The following LIMK2 variants were observed in gnomAD, a reference collection of about 807,000 sequenced individuals.
LIMK2 encodes LIM domain kinase 2.
LIMK2 carries 35 observed loss-of-function variants against 75.7 expected under a neutral mutation model. The observed-to-expected ratio is 0.46, with a 90% CI of 0.35 to 0.61. The LOEUF (loss-of-function observed/expected upper bound fraction) is 0.61. Ranked by LOEUF, LIMK2 falls within the 20% of genes least tolerant of loss-of-function variation. The probability of loss-of-function intolerance (pLI) is 0.00; values close to 1 mark genes in which losing one functional copy is unlikely to be tolerated. For missense variants in LIMK2, 623 were observed against 831.0 expected (o/e 0.75, Z 3.08); for synonymous variants, 301 against 319.2 (o/e 0.94, Z 0.61).
At chr22:31,273,339 T>C (rs936817291) in intron 13 of LIMK2, 113 bp from the exon 14 acceptor site, 1 of 947,170 alleles carries the variant, frequency 1.1e-6, no homozygotes, top group Non-Finnish European at 1.7e-6. Context: ...GGGGTGTCCC[T>C]ACAGAACCTG....
At chr22:31,246,183 G>GCACGCACACACACACACA (rs1555886279) in intron 2 of LIMK2, among the ~76,000 whole-genome samples, 4 of 134,994 alleles carry the variant, frequency 3.0e-5, no homozygotes, top group East Asian at 4.2e-4. Flanking sequence ...ACGCACGCAC[G>GCACGCACACACACACACA]CACACACACA....
At chr22:31,269,577 T>C (rs1157533617) in intron 11 of LIMK2, among the ~76,000 whole-genome samples, 1 of 151,876 alleles carries the variant, frequency 6.6e-6, no homozygotes, top group Non-Finnish European at 1.5e-5. Flanking sequence ...GAGACCAGCC[T>C]GGCCAACTGG....
At chr22:31,229,505 TA>T (rs1256647180) in intron 2 of LIMK2, among the ~76,000 whole-genome samples, 1 of 152,142 alleles carries the variant, frequency 6.6e-6, no homozygotes, top group Non-Finnish European at 1.5e-5. Context: ...CTGATGAATT[TA>T]GAGTACCTGA....
chr22:31,272,952 C>T (rs781321910), intron 13 of LIMK2: 17 of 1,258,346 alleles, frequency 1.4e-5, no homozygotes, highest in Non-Finnish European at 1.3e-5. Flanking sequence ...CCTCAGGGAT[C>T]GCTAAGAGCT....
chr22:31,218,469 C>G (rs1036224889), intron 1 of LIMK2, among the ~76,000 whole-genome samples: 1 of 152,190 alleles, frequency 6.6e-6, no homozygotes, highest in African/African-American at 2.4e-5. Flanking sequence ...CTTGATCCCT[C>G]CTTTTACAAA....
At chr22:31,274,655 C>G (rs964464066) in intron 14 of LIMK2, among the ~76,000 whole-genome samples, 3 of 152,208 alleles carry the variant, frequency 2.0e-5, no homozygotes, top group African/African-American at 7.2e-5. Flanking sequence ...CCCGCTTCAG[C>G]CTCCCAAAGT....
chr22:31,219,624 C>T (rs1474569543), intron 1 of LIMK2, among the ~76,000 whole-genome samples: 4 of 151,874 alleles, frequency 2.6e-5, no homozygotes, highest in Non-Finnish European at 4.4e-5. Flanking sequence ...CAAGCTGGAG[C>T]GCAGTGGCAC....
intron 2 of LIMK2, among the ~76,000 whole-genome samples, chr22:31,243,912 C>T (rs1448851533): frequency 6.6e-6 from 1 of 152,236 alleles, no homozygotes; most frequent in Non-Finnish European, 1.5e-5. Flanking sequence ...CAGCCAGCAG[C>T]TTATCACATC....
rs1024462531 is a variant in LIMK2, at chr22:31,225,737, T to C, written c.34T>C (p.Cys12Arg). Residue 12 changes from cysteine (C) to arginine (R), a missense_variant, in exon 2 of 16, where the codon TGT becomes CGT. Physicochemically the swap from Cys to Arg is radical, Grantham distance 180. Around this residue, in one of 3 missense-constraint regions of LIMK2, gnomAD observed 514 missense variants for 661.3 expected, o/e 0.78. Coordinates refer to ENST00000331728, the MANE Select transcript of LIMK2 (RefSeq NM_005569.4). ...SALAGEDVWR[C>R]PGCGDHIAPS... ...GTGTGCAGGTGAAGATGTCTGGAGG[T>C]GTCCAGGCTGTGGGGACCACATTGC... 6.2e-7 allele frequency: 1 copy of C among 1,613,950 alleles called. No individual in the cohort carries two copies. The highest frequency in any genetic ancestry group is 8.5e-7 in the Non-Finnish European group (1 of 1,179,904).
intron 3 of LIMK2, 194 bp downstream of exon 3, chr22:31,258,620 T>A: frequency 1.7e-6 from 1 of 579,490 alleles, no homozygotes; most frequent in Admixed American, 3.1e-5. Context: ...CCTCAAAGAC[T>A]TAATAGTTGA....
At chr22:31,275,079 G>A in intron 14 of LIMK2, 72 bp from the exon 15 acceptor site, 1 of 1,455,598 alleles carries the variant, frequency 6.9e-7, no homozygotes, top group Non-Finnish European at 9.6e-7. Context: ...CCACATCCCA[G>A]CATCCCTTTC....
chr22:31,266,874 G>A lies in LIMK2; in HGVS notation c.1042-110G>A, dbSNP rs950575193. On this transcript the variant is annotated intron_variant, in intron 8 of 15. Transcript: ENST00000331728. ...CACATGAACTCTGTCATTCTGACCC[G>A]GCTCAGTGTGCCCTCCAAGGGATGG... 7.7e-5 allele frequency: 57 copies of A among 737,136 alleles called. No individual in the cohort carries two copies. In the East Asian group the frequency reaches 8.5e-4, roughly 11 times the overall value. The allele number at this position is 737,136 out of a possible 1,614,324, so 45.7% of individuals were successfully genotyped here. A position where few individuals can be genotyped will look rare whatever the true frequency, so the allele number is the denominator to read the frequency against.
chr22:31,214,177 T>A (rs1300927992), intron 1 of LIMK2, among the ~76,000 whole-genome samples: 1 of 152,146 alleles, frequency 6.6e-6, no homozygotes, highest in African/African-American at 2.4e-5. Context: ...GAACCCTGTT[T>A]CTTAGAAAAT....
intron 4 of LIMK2, among the ~76,000 whole-genome samples, chr22:31,259,573 T>C (rs559505486): frequency 1.3e-5 from 2 of 152,078 alleles, no homozygotes; most frequent in Non-Finnish European, 1.5e-5. Flanking sequence ...CTGGGGCCCA[T>C]GGAATAGAAT....
intron 9 of LIMK2, 22 bp downstream of exon 9, chr22:31,267,092 G>T: frequency 6.9e-7 from 1 of 1,452,730 alleles, no homozygotes; most frequent in Non-Finnish European, 9.6e-7. Flanking sequence ...GAGGGGGCCC[G>T]GGAGGTTGGT....
At chr22:31,259,831 C>A in intron 4 of LIMK2, 58 bp from the exon 5 acceptor site, 1 of 1,485,220 alleles carries the variant, frequency 6.7e-7, no homozygotes, top group East Asian at 2.4e-5. Flanking sequence ...GCAGTGGTTG[C>A]TGGGGGGCTT....
At chr22:31,228,573 G>A (rs912453475) in intron 2 of LIMK2, among the ~76,000 whole-genome samples, 1 of 152,198 alleles carries the variant, frequency 6.6e-6, no homozygotes, top group South Asian at 2.1e-4. Context: ...ATGCCACATG[G>A]TTGTTAGGGA....
chr22:31,218,779 G>T (rs1047356363), intron 1 of LIMK2, among the ~76,000 whole-genome samples: 2 of 152,168 alleles, frequency 1.3e-5, no homozygotes, highest in African/African-American at 2.4e-5. Context: ...CAGTTCCCAA[G>T]GGGCCCAGGG....
chr22:31,254,959 CA>C (rs199942897), intron 2 of LIMK2, among the ~76,000 whole-genome samples: 48 of 140,492 alleles, frequency 3.4e-4, no homozygotes, highest in Admixed American at 5.7e-4. Flanking sequence ...AATTCCATCT[CA>C]AAAAAAAAAA....
Sources: allele counts gnomAD v4.1 joint callset (sites outside exome capture counted in the v4.1 genomes callset), GRCh38; gene constraint gnomAD v4.1.1; regional missense constraint gnomAD v4.1.1; transcripts MANE v1.5; gene names NCBI Gene and HGNC (gene_info 2026-07-23, HGNC 2026-07-21).